The following COBLL1 variants were observed in gnomAD, a reference collection of about 807,000 sequenced individuals.
COBLL1 encodes the protein cordon-bleu WH2 repeat protein like 1.
Under a neutral mutation model 94.8 loss-of-function variants are expected in COBLL1, and 50 were observed. The observed-to-expected ratio is 0.53, with a 90% confidence interval of 0.42 to 0.67. The LOEUF (loss-of-function observed/expected upper bound fraction) is 0.67, where lower values mean the gene tolerates loss of function less well. COBLL1 is among the 30% of genes least tolerant of loss of function. The probability of loss-of-function intolerance (pLI) is 0.00; values close to 1 mark genes in which losing one functional copy is unlikely to be tolerated. For synonymous variants in COBLL1, 448 were observed against 473.8 expected, an observed-to-expected ratio of 0.95 and a Z score of 0.71; for missense variants, 1,362 against 1,348.7, an observed-to-expected ratio of 1.01 and a Z score of -0.15.
rs534974002 is a variant in COBLL1 at position 164,690,370 on chromosome 2, T to C, written c.3300+1851A>G. ...CTGAAAGAGAAAATTTTAGATTCAA[T>C]AGAACCTAAAGTAATTAGTTTTAAA... On this transcript the variant is annotated intron_variant, in intron 13 of 13. Transcript: ENST00000652658. Among the ~76,000 whole-genome samples the C allele has an allele frequency of 4.6e-5, 7 of 152,328 alleles. No individual in the cohort carries two copies. In the East Asian group the frequency reaches 9.6e-4, roughly 21 times the overall value.
chr2:164,831,132 G>A (rs1452471215), intron 2 of COBLL1, among the ~76,000 whole-genome samples: 1 of 152,092 alleles, frequency 6.6e-6, no homozygotes, highest in Non-Finnish European at 1.5e-5. Flanking sequence ...AGATTAGCCT[G>A]GCCAACATGT....
At chr2:164,742,902 A>C (rs1196231576) in intron 3 of COBLL1, among the ~76,000 whole-genome samples, 3 of 152,170 alleles carry the variant, frequency 2.0e-5, no homozygotes, top group Non-Finnish European at 4.4e-5. Flanking sequence ...AAAACAGCTT[A>C]AATTTCTAAA....
At chr2:164,678,250 C>T (rs1261469359), downstream of COBLL1, among the ~76,000 whole-genome samples, 1 of 152,104 alleles carries the variant, frequency 6.6e-6, no homozygotes, top group East Asian at 1.9e-4. Context: ...GCAGTATACA[C>T]ATTTTGACCA....
chr2:164,723,816 T>C (rs1204017378), intron 5 of COBLL1: 1 of 152,138 alleles, frequency 6.6e-6, no homozygotes, highest in Non-Finnish European at 1.5e-5. Context: ...AGTCTTTTTT[T>C]GAATCTCACT....
chr2:164,731,949 A>G (rs1686036913), intron 3 of COBLL1, among the ~76,000 whole-genome samples: 1 of 152,178 alleles, frequency 6.6e-6, no homozygotes, highest in Non-Finnish European at 1.5e-5. Context: ...TCACTGTCGG[A>G]CACTGTGTGG....
intron 2 of COBLL1, among the ~76,000 whole-genome samples, chr2:164,753,852 G>A (rs4667770): frequency 0.12 from 17,745 of 150,538 alleles, 1,357 homozygotes; most frequent in Admixed American, 0.18. Context: ...AGCAATTCTC[G>A]TGCCTCAGCC....
In COBLL1 at chr2:164,692,330, G is replaced by A. The variant is rs763456082; in HGVS notation, c.3191C>T (p.Thr1064Ile). Residue 1064 changes from threonine (T) to isoleucine (I), a missense_variant, in exon 13 of 14, where the codon ACT becomes ATT. Coordinates refer to ENST00000652658, the MANE Select transcript of COBLL1 (RefSeq NM_001365672.2). ...TGTTAAAGAACTTTGTCTCATAACA[G>A]TGAATGATGGGCCATCAGTTGGAGT... ...IPTPTDGPSFTVMRQSSLTFQ... is the reference protein window; with the variant it reads ...IPTPTDGPSFIVMRQSSLTFQ... 2.5e-6 allele frequency: 4 copies of A among 1,613,370 alleles called. No individual in the cohort carries two copies. The highest frequency in any genetic ancestry group is 2.5e-6 in the Non-Finnish European group (3 of 1,179,578).
At chr2:164,766,461 C>A (rs931118943) in intron 2 of COBLL1, among the ~76,000 whole-genome samples, 1 of 152,054 alleles carries the variant, frequency 6.6e-6, no homozygotes, top group African/African-American at 2.4e-5. Context: ...AAGTGTGTGG[C>A]ACCTCTTCCC....
chr2:164,834,760 ACT>A (rs1223820833), intron 2 of COBLL1, among the ~76,000 whole-genome samples: 3 of 152,166 alleles, frequency 2.0e-5, no homozygotes, highest in East Asian at 3.9e-4. Context: ...TGCCAGTAAA[ACT>A]CTATAAATAC....
chr2:164,840,824 T>G, intron 2 of COBLL1: 1 of 260,034 alleles, frequency 3.8e-6, no homozygotes, highest in Non-Finnish European at 7.2e-6. Flanking sequence ...CACTTACAGG[T>G]ATCGTCCACC....
In COBLL1 at chr2:164,841,475, GC is replaced by G. The variant is rs1683616262; in HGVS notation, c.-50-230del. On this transcript the variant is annotated intron_variant, in intron 1 of 13. Transcript: ENST00000652658. This position sits in a 1 kb window ranked among gnomAD's most constrained non-coding sequence, Gnocchi z 5.5. Reference sequence around the variant, plus strand: ...CGGCGGAGGAGGCGGTGGCGCTGCAGCCCCCGCCCCGTGGGGTTTACTGGGT... The same window carrying G: ...CGGCGGAGGAGGCGGTGGCGCTGCAGCCCCGCCCCGTGGGGTTTACTGGGT... 7 of 1,135,828 alleles carry G rather than the reference GC, an allele frequency of 6.2e-6. No individual in the cohort carries two copies. The highest frequency in any genetic ancestry group is 4.8e-5 in the Admixed American group (1 of 20,670). The allele number at this position is 1,135,828 out of a possible 1,614,324, so 70.4% of individuals were successfully genotyped here.
intron 2 of COBLL1, among the ~76,000 whole-genome samples, chr2:164,783,563 C>T (rs935217458): frequency 1.3e-5 from 2 of 152,078 alleles, no homozygotes; most frequent in African/African-American, 4.8e-5. Flanking sequence ...TGGCCAGACC[C>T]AAACATTAAA....
At chr2:164,765,209 G>GGAAT (rs1360771426) in intron 2 of COBLL1, among the ~76,000 whole-genome samples, 1 of 152,064 alleles carries the variant, frequency 6.6e-6, no homozygotes, top group East Asian at 1.9e-4. Flanking sequence ...ACGTTGCAAT[G>GGAAT]GAATGCATAC....
chr2:164,703,282 A>C, intron 9 of COBLL1: 1 of 1,003,932 alleles, frequency 1.0e-6, no homozygotes, highest in Non-Finnish European at 1.5e-6. Flanking sequence ...GCAAGCAGAG[A>C]CCAAGAAGCA....
intron 1 of COBLL1, among the ~76,000 whole-genome samples, chr2:164,674,178 A>T (rs1691297572): frequency 6.6e-6 from 1 of 152,112 alleles, no homozygotes; most frequent in Admixed American, 6.6e-5. Flanking sequence ...CTCCTGCTTC[A>T]GCCTCCCGAG....
At chr2:164,772,697 G>C (rs1468157248) in intron 2 of COBLL1, among the ~76,000 whole-genome samples, 9 of 152,006 alleles carry the variant, frequency 5.9e-5, no homozygotes, top group Non-Finnish European at 1.3e-4. Flanking sequence ...GATGCATTTA[G>C]CTATCCACAG....
intron 12 of COBLL1, among the ~76,000 whole-genome samples, chr2:164,693,365 G>A (rs139238095): frequency 8.5e-4 from 130 of 152,140 alleles, no homozygotes; most frequent in Non-Finnish European, 1.4e-3. Flanking sequence ...TATTTACTTG[G>A]CAATATGGTT....
At chr2:164,726,579 T>A (rs958131145) in intron 5 of COBLL1, among the ~76,000 whole-genome samples, 6 of 152,154 alleles carry the variant, frequency 3.9e-5, no homozygotes, top group African/African-American at 1.4e-4. Context: ...TTTTATGTAT[T>A]TCCTTTCAGC....
downstream of COBLL1, among the ~76,000 whole-genome samples, chr2:164,679,143 A>G (rs1001386545): frequency 2.0e-4 from 31 of 152,152 alleles, no homozygotes; most frequent in African/African-American, 7.0e-4. Flanking sequence ...ATGTTTCTCC[A>G]CATTTCTATG....
Sources: gnomAD v4.1 joint callset for allele counts (sites outside exome capture counted in the v4.1 genomes callset) on GRCh38, gnomAD v4.1.1 for gene constraint, Gnocchi (gnomAD v3.1) non-coding constraint, MANE v1.5 for transcripts, NCBI Gene and HGNC (gene_info 2026-07-23, HGNC 2026-07-21) for gene names.